The following FIGN variants were observed in gnomAD, a reference collection of about 807,000 sequenced individuals.
FIGN encodes fidgetin.
FIGN carries 11 observed loss-of-function variants against 51.3 expected under a neutral mutation model. The ratio of observed to expected loss-of-function variants is 0.21; its 90% CI spans 0.13 to 0.35. The LOEUF is 0.35. Among genes scored for constraint, FIGN ranks in the 10% least tolerant of loss-of-function variants. The pLI is 1.00. For synonymous variants in FIGN, 407 were observed against 363.2 expected (o/e 1.12, Z -1.37); for missense variants, 857 against 943.6 (o/e 0.91, Z 1.20).
Position 163,726,311 on chromosome 2 carries a change from A to G in FIGN, c.25+8592T>C, listed in dbSNP as rs980952838. Among the ~76,000 whole-genome samples the G allele has an allele frequency of 2.0e-5, 3 of 152,060 alleles. No individual in the cohort carries two copies. The South Asian group carries it at 6.2e-4, about 32-fold the overall frequency. On this transcript the variant is annotated intron_variant, in intron 2 of 2. Coordinates refer to ENST00000333129, the MANE Select transcript of FIGN (RefSeq NM_018086.4). ...TAAAAGAGAACTTTGTACTGACTCTACTGGCATAGGATACCACGATAAGGG... is the reference window on the plus strand; with the variant it reads ...TAAAAGAGAACTTTGTACTGACTCTGCTGGCATAGGATACCACGATAAGGG...
chr2:163,646,536 T>C (rs1573924099), intron 2 of FIGN, among the ~76,000 whole-genome samples: 1 of 152,262 alleles, frequency 6.6e-6, no homozygotes, highest in Admixed American at 6.5e-5. Context: ...CTGATTTTAT[T>C]ATTTTTTTAA....
chr2:163,643,696 G>A (rs1430055378), intron 2 of FIGN, among the ~76,000 whole-genome samples: 1 of 150,600 alleles, frequency 6.6e-6, no homozygotes, highest in Non-Finnish European at 1.5e-5. Flanking sequence ...GCTCATGCCT[G>A]TCATCCTAGA....
In FIGN at chr2:163,725,300, C is replaced by T. The variant is rs142929720; in HGVS notation, c.25+9603G>A. Among the ~76,000 whole-genome samples, 27 of 151,888 alleles carry T rather than the reference C, an allele frequency of 1.8e-4. No homozygotes were observed. The East Asian group carries it at 4.1e-3, about 23-fold the overall frequency. On this transcript the variant is annotated intron_variant, in intron 2 of 2. Coordinates refer to ENST00000333129, the MANE Select transcript of FIGN (RefSeq NM_018086.4). ...AAAAGAAAAAAACAGCTCTTCAAAACGGTACACAGCTAGGTAGGTAGGAAG... is the reference window on the plus strand; with the variant it reads ...AAAAGAAAAAAACAGCTCTTCAAAATGGTACACAGCTAGGTAGGTAGGAAG...
In FIGN at chr2:163,604,017, G is replaced by A. The variant is rs1037018190; in HGVS notation, c.*5535C>T. On this transcript the variant is annotated 3_prime_UTR_variant, in exon 3 of 3. Coordinates refer to ENST00000333129, the MANE Select transcript of FIGN (RefSeq NM_018086.4). ...GAACTTGCAAGCACCATGACTCCAC[G>A]TTTGTTAATTCCTTTGGGAAGTGCC... 5 of 152,012 alleles carry A rather than the reference G, an allele frequency of 3.3e-5. No individual in the cohort carries two copies. Among genetic ancestry groups the A allele is most frequent in the Non-Finnish European group, 7.4e-5 (5 of 67,938 alleles). The allele number at this position is 152,012 out of a possible 1,614,324, so 9.4% of individuals were successfully genotyped here. A position where few individuals can be genotyped will look rare whatever the true frequency, so the allele number is the denominator to read the frequency against.
chr2:163,611,426 T>G lies in FIGN; in HGVS notation c.406A>C (p.Ser136Arg), dbSNP rs748837717. 12 of 1,614,062 alleles carry G rather than the reference T, an allele frequency of 7.4e-6. No homozygotes were observed. In the Admixed American group the frequency reaches 1.8e-4, roughly 25 times the overall value. ...ACATCTGCTGGAGGGAGGGCTGAAC[T>G]GACTCCAGCTTTGCTGGCAGTGATA... ...DVITASKAGV[S>R]SALPPADVSA... is the part of the protein sequence containing the mutation. The change falls in exon 3 of 3, where the codon AGT becomes CGT. Residue 136 changes from serine to arginine, a missense_variant. Ser to Arg is a moderately radical substitution (Grantham distance 110, BLOSUM62 -1). Transcript: ENST00000333129.
intron 2 of FIGN, among the ~76,000 whole-genome samples, chr2:163,719,886 A>T (rs1298296432): frequency 6.6e-6 from 1 of 152,130 alleles, no homozygotes. Context: ...AAATCCTCTA[A>T]AATTTAGCCT....
chr2:163,701,745 T>C (rs1684410971), intron 2 of FIGN, among the ~76,000 whole-genome samples: 1 of 152,168 alleles, frequency 6.6e-6, no homozygotes, highest in Non-Finnish European at 1.5e-5. Flanking sequence ...TTAATTATTG[T>C]TACAAATGTC....
chr2:163,639,150 C>A (rs76096364), intron 2 of FIGN, among the ~76,000 whole-genome samples: 2,122 of 152,070 alleles, frequency 0.014, 49 homozygotes, highest in African/African-American at 0.049. Context: ...ATGCTCTTTA[C>A]CTGATAAAAG....
At chr2:163,669,112 A>T (rs1253127520) in intron 2 of FIGN, among the ~76,000 whole-genome samples, 1 of 151,478 alleles carries the variant, frequency 6.6e-6, no homozygotes, top group Non-Finnish European at 1.5e-5. Context: ...CCTTTTACTC[A>T]TTTATATTTT....
intron 2 of FIGN, among the ~76,000 whole-genome samples, chr2:163,676,484 A>ATATATATATCTAT (rs1491432139): frequency 1.8e-5 from 1 of 55,702 alleles, no homozygotes. Context: ...TATATATATA[A>ATATATATATCTAT]CTAGAGTCTG....
chr2:163,632,841 G>T (rs371125522), intron 2 of FIGN, among the ~76,000 whole-genome samples: 12 of 152,014 alleles, frequency 7.9e-5, no homozygotes, highest in Non-Finnish European at 1.5e-4. Context: ...ATGATTAAAA[G>T]ATTTAGATTC....
intron 2 of FIGN, among the ~76,000 whole-genome samples, chr2:163,713,779 G>T (rs566412658): frequency 6.6e-6 from 1 of 152,232 alleles, no homozygotes; most frequent in African/African-American, 2.4e-5. Flanking sequence ...TTAAAGGATG[G>T]TTTTGATTTG....
intron 2 of FIGN, among the ~76,000 whole-genome samples, chr2:163,713,920 C>A (rs1478597945): frequency 4.6e-5 from 7 of 152,176 alleles, no homozygotes; most frequent in African/African-American, 1.7e-4. Context: ...TTGTGCCATG[C>A]AAGAGCTCTC....
intron 2 of FIGN, among the ~76,000 whole-genome samples, chr2:163,624,547 G>T (rs1683025008): frequency 6.6e-6 from 1 of 151,750 alleles, no homozygotes; most frequent in African/African-American, 2.4e-5. Flanking sequence ...GTTTTCCAGT[G>T]TGTAAATTGG....
chr2:163,645,069 G>A (rs924708218), intron 2 of FIGN, among the ~76,000 whole-genome samples: 2 of 152,042 alleles, frequency 1.3e-5, no homozygotes, highest in African/African-American at 4.8e-5. Flanking sequence ...CTTTAAATAA[G>A]TAAATTGTAT....
intron 2 of FIGN, among the ~76,000 whole-genome samples, chr2:163,686,919 C>T (rs182292455): frequency 3.2e-4 from 48 of 151,700 alleles, no homozygotes; most frequent in South Asian, 8.3e-4. Context: ...GGGCAGAAGA[C>T]GTATGTATTT....
intron 2 of FIGN, among the ~76,000 whole-genome samples, chr2:163,652,590 A>C (rs2105322511): frequency 6.6e-6 from 1 of 152,210 alleles, no homozygotes; most frequent in Non-Finnish European, 1.5e-5. Flanking sequence ...ATACAGTCTA[A>C]ATTTTTGCTT....
At chr2:163,658,364 GCTCTCTCTCTCTCTCT>G (rs55894952) in intron 2 of FIGN, among the ~76,000 whole-genome samples, 5,639 of 137,606 alleles carry the variant, frequency 0.041, 393 homozygotes, top group African/African-American at 0.14. Context: ...TTAAGAAACA[GCTCTCTCTCTCTCTCT>G]CTCTCTCTCT....
rs148110773 is a variant in FIGN at position 163,727,934 on chromosome 2, G to A, written c.25+6969C>T. 7.2e-5 allele frequency among the ~76,000 whole-genome samples: 11 copies of A among 152,290 alleles called. No individual in the cohort carries two copies. The East Asian group carries it at 1.5e-3, about 21-fold the overall frequency. Reference sequence around the variant, plus strand: ...TTTTGTCCACCTATCAGCACAGAACGTTGGTAAAGGAGTCATATGACTCTA... The same window carrying A: ...TTTTGTCCACCTATCAGCACAGAACATTGGTAAAGGAGTCATATGACTCTA... On this transcript the variant is annotated intron_variant, in intron 2 of 2. Coordinates refer to ENST00000333129, the MANE Select transcript of FIGN (RefSeq NM_018086.4).
Sources: gnomAD v4.1 joint callset for allele counts (sites outside exome capture counted in the v4.1 genomes callset) on GRCh38, gnomAD v4.1.1 for gene constraint, MANE v1.5 for transcripts, NCBI Gene and HGNC (gene_info 2026-07-23, HGNC 2026-07-21) for gene names.